Variants in DLG2 observed in about 807,000 individuals in gnomAD.
DLG2 encodes disks large homolog 2.
A neutral mutation model predicts 132.5 loss-of-function variants in DLG2; 45 were observed. The ratio of observed to expected loss-of-function variants is 0.34; its 90% CI spans 0.27 to 0.44. DLG2 has a LOEUF of 0.44. Among genes scored for constraint, DLG2 ranks in the 20% least tolerant of loss-of-function variants. The probability of loss-of-function intolerance (pLI) is 1.00; values close to 1 mark genes in which losing one functional copy is unlikely to be tolerated. For synonymous variants in DLG2, 424 were observed against 419.6 expected (o/e 1.01, Z -0.13); for missense variants, 1,045 against 1,196.9 (o/e 0.87, Z 1.87).
At chr11:84,314,762 G>T (rs1288743776) in intron 7 of DLG2, among the ~76,000 whole-genome samples, 1 of 151,714 alleles carries the variant, frequency 6.6e-6, no homozygotes, top group African/African-American at 2.4e-5. Context: ...TACATAAGTA[G>T]TTAGGTATAG....
At chr11:84,627,068 G>A (rs1032761038) in intron 6 of DLG2, among the ~76,000 whole-genome samples, 3 of 151,938 alleles carry the variant, frequency 2.0e-5, no homozygotes, top group African/African-American at 4.8e-5. Context: ...ACAGGGTTTT[G>A]CCATGTTGGC....
chr11:85,058,356 G>A (rs2063685643), intron 6 of DLG2, among the ~76,000 whole-genome samples: 1 of 151,442 alleles, frequency 6.6e-6, no homozygotes, highest in Admixed American at 6.6e-5. Flanking sequence ...ATTCTACACA[G>A]TGAATTATAA....
At chr11:85,203,134 G>A (rs2081592941) in intron 4 of DLG2, among the ~76,000 whole-genome samples, 1 of 150,472 alleles carries the variant, frequency 6.6e-6, no homozygotes, top group Admixed American at 6.6e-5. Context: ...ACTTTTAATG[G>A]CAAAAAAAGC....
At chr11:84,195,537 G>A (rs117751000) in intron 8 of DLG2, among the ~76,000 whole-genome samples, 2,627 of 152,222 alleles carry the variant, frequency 0.017, 31 homozygotes, top group Middle Eastern at 0.027. Flanking sequence ...TGAAAGGGAG[G>A]TACTGTGCAC....
chr11:85,039,251 G>GTAACCACTGCCAAAGGCCCAAATTCA (rs141991092), intron 6 of DLG2, among the ~76,000 whole-genome samples: 6,075 of 151,670 alleles, frequency 0.04, 186 homozygotes, highest in African/African-American at 0.074. Context: ...GAGACATTCA[G>GTAACCACTGCCAAAGGCCCAAATTCA]TCTCTAAACA....
At chr11:84,388,271 C>T (rs981023508) in intron 7 of DLG2, among the ~76,000 whole-genome samples, 4 of 152,086 alleles carry the variant, frequency 2.6e-5, no homozygotes, top group Non-Finnish European at 5.9e-5. Context: ...GATCCTATTG[C>T]GTGATCTAAA....
At chr11:85,381,160 T>G (rs2085853442) in intron 3 of DLG2, among the ~76,000 whole-genome samples, 2 of 152,224 alleles carry the variant, frequency 1.3e-5, no homozygotes, top group Non-Finnish European at 2.9e-5. Context: ...GCCATGCACT[T>G]AAAGTATGCA....
At chr11:83,934,950 A>T (rs1028450938) in intron 14 of DLG2, among the ~76,000 whole-genome samples, 25 of 152,248 alleles carry the variant, frequency 1.6e-4, no homozygotes, top group Non-Finnish European at 2.8e-4. Flanking sequence ...ATCTAAAATT[A>T]CAAAAAGATG....
intron 3 of DLG2, among the ~76,000 whole-genome samples, chr11:85,513,270 A>G (rs979413174): frequency 6.6e-6 from 1 of 152,052 alleles, no homozygotes; most frequent in Non-Finnish European, 1.5e-5. Flanking sequence ...TGGGATCATT[A>G]GAAGCCCAAA....
intron 8 of DLG2, among the ~76,000 whole-genome samples, chr11:84,182,368 A>G (rs2096155925): frequency 8.0e-6 from 1 of 125,262 alleles, no homozygotes; most frequent in South Asian, 2.8e-4. Flanking sequence ...CCCAACTCCT[A>G]AAAAAAAAAA....
At chr11:84,294,799 G>A (rs2098065827) in intron 7 of DLG2, among the ~76,000 whole-genome samples, 1 of 152,104 alleles carries the variant, frequency 6.6e-6, no homozygotes, top group Non-Finnish European at 1.5e-5. Flanking sequence ...TGGGGTAAGG[G>A]TGGAGTATGC....
At chr11:84,409,640 G>T (rs942210048) in intron 7 of DLG2, among the ~76,000 whole-genome samples, 3 of 152,040 alleles carry the variant, frequency 2.0e-5, no homozygotes, top group Non-Finnish European at 4.4e-5. Flanking sequence ...CCATTACTTA[G>T]TTAGTGACTA....
At chr11:84,468,013 T>C (rs1391797863) in intron 7 of DLG2, among the ~76,000 whole-genome samples, 3 of 151,516 alleles carry the variant, frequency 2.0e-5, no homozygotes, top group African/African-American at 7.3e-5. Context: ...AAAATTACCA[T>C]AATAAATTGC....
chr11:83,983,673 T>C (rs561297898), intron 11 of DLG2, among the ~76,000 whole-genome samples: 75 of 152,164 alleles, frequency 4.9e-4, no homozygotes, highest in Middle Eastern at 3.4e-3. Context: ...TGTTATCTAA[T>C]TTCCTTGTGA....
rs567434576 is a variant in DLG2 at position 84,265,428 on chromosome 11, C to A, written c.520-14137G>T. Among the ~76,000 whole-genome samples, 77 of 152,182 alleles carry A rather than the reference C, an allele frequency of 5.1e-4. 1 individual carries two copies. The South Asian group carries it at 0.015, about 29-fold the overall frequency. ...AATTTGAGTAATTTACCCAAGATAGCAAATGGTGGAAGAAGGATCCTTCAA... is the reference window on the plus strand; with the variant it reads ...AATTTGAGTAATTTACCCAAGATAGAAAATGGTGGAAGAAGGATCCTTCAA... On this transcript the variant is annotated intron_variant, in intron 7 of 27. Coordinates refer to ENST00000376104, the MANE Select transcript of DLG2 (RefSeq NM_001142699.3).
intron 3 of DLG2, among the ~76,000 whole-genome samples, chr11:85,397,508 A>T (rs1481973562): frequency 6.6e-6 from 1 of 152,224 alleles, no homozygotes; most frequent in African/African-American, 2.4e-5. Context: ...ATCAAGCACC[A>T]TTGGTATGCT....
intron 7 of DLG2, among the ~76,000 whole-genome samples, chr11:84,312,880 G>A (rs1435207348): frequency 6.6e-6 from 1 of 151,926 alleles, no homozygotes; most frequent in Non-Finnish European, 1.5e-5. Context: ...TGCAATCTCG[G>A]CTCACTGTAA....
intron 18 of DLG2, among the ~76,000 whole-genome samples, chr11:83,670,525 T>C (rs1412193001): frequency 3.9e-5 from 6 of 152,120 alleles, no homozygotes; most frequent in African/African-American, 1.4e-4. Flanking sequence ...TGAATACCTT[T>C]GGGCTCACTC....
chr11:84,223,134 T>C (rs1377381459), intron 8 of DLG2, among the ~76,000 whole-genome samples: 5 of 152,174 alleles, frequency 3.3e-5, no homozygotes, highest in Admixed American at 6.6e-5. Context: ...TAAGGAATGA[T>C]TCAATACTGA....
Sources: allele counts gnomAD v4.1 joint callset (sites outside exome capture counted in the v4.1 genomes callset), GRCh38; gene constraint gnomAD v4.1.1; transcripts MANE v1.5; gene names NCBI Gene and HGNC (gene_info 2026-07-23, HGNC 2026-07-21).